RAB3IP: variants seen among roughly 807,000 people sequenced by gnomAD.
RAB3IP encodes rab-3A-interacting protein.
Under a neutral mutation model 59.1 loss-of-function variants are expected in RAB3IP, and 36 were observed. The observed-to-expected ratio is 0.61, with a 90% confidence interval of 0.47 to 0.80. The LOEUF is 0.80. Among genes scored for constraint, RAB3IP ranks in the 30% least tolerant of loss-of-function variants. The probability of loss-of-function intolerance (pLI) is 0.00; values close to 1 mark genes in which losing one functional copy is unlikely to be tolerated. For synonymous variants in RAB3IP, 207 were observed against 191.2 expected (o/e 1.08, Z -0.68); for missense variants, 511 against 536.0 (o/e 0.95, Z 0.46).
intron 1 of RAB3IP, chr12:69,739,346 T>A (rs1419782224): frequency 6.6e-6 from 1 of 152,530 alleles, no homozygotes; most frequent in Non-Finnish European, 1.5e-5. Flanking sequence ...ACGGGCGCGT[T>A]ACACATTAAC....
chr12:69,767,999 A>G (rs1013375476), intron 3 of RAB3IP, among the ~76,000 whole-genome samples: 7 of 152,126 alleles, frequency 4.6e-5, no homozygotes, highest in African/African-American at 1.4e-4. Flanking sequence ...CTGCTTGGGC[A>G]TTTAACAGAA....
intron 3 of RAB3IP, among the ~76,000 whole-genome samples, chr12:69,759,463 A>T (rs1218620076): frequency 6.6e-6 from 1 of 151,890 alleles, no homozygotes; most frequent in Non-Finnish European, 1.5e-5. Flanking sequence ...CAAAACCGCC[A>T]TCGTCATCAT....
chr12:69,779,274 C>G (rs895176653), intron 3 of RAB3IP: 1 of 142,294 alleles, frequency 7.0e-6, no homozygotes, highest in Non-Finnish European at 1.5e-5. Flanking sequence ...TGCTTCGGCT[C>G]GCGCACGGTG....
intron 4 of RAB3IP, among the ~76,000 whole-genome samples, chr12:69,792,017 C>A (rs1045267820): frequency 6.6e-6 from 1 of 152,056 alleles, no homozygotes; most frequent in Non-Finnish European, 1.5e-5. Context: ...ACAACATGAG[C>A]GAACCTGGAG....
intron 3 of RAB3IP, among the ~76,000 whole-genome samples, chr12:69,759,810 C>T (rs1189172896): frequency 6.6e-6 from 1 of 151,786 alleles, no homozygotes; most frequent in African/African-American, 2.4e-5. Flanking sequence ...CCACCTCCCT[C>T]CCGGACGGGG....
rs1056883920 is a variant in RAB3IP, at chr12:69,822,824, A to G, written c.*7378A>G. The G allele has an allele frequency of 1.3e-5, 2 of 152,192 alleles. No homozygotes were observed. The highest frequency in any genetic ancestry group is 4.8e-5 in the African/African-American group (2 of 41,446). 9.4% of individuals were successfully genotyped at this position (152,192 alleles called of 1,614,324 possible). A position where few individuals can be genotyped will look rare whatever the true frequency, so the allele number is the denominator to read the frequency against. ...TTATGTATCCATAAAAATTGGAAATAAACTACCACCATCTTTCTTCAGCCT... is the reference window on the plus strand; with the variant it reads ...TTATGTATCCATAAAAATTGGAAATGAACTACCACCATCTTTCTTCAGCCT... On this transcript the variant is annotated 3_prime_UTR_variant, in exon 11 of 11. Coordinates refer to ENST00000247833, the MANE Select transcript of RAB3IP (RefSeq NM_022456.5).
intron 8 of RAB3IP, among the ~76,000 whole-genome samples, chr12:69,808,728 C>CT (rs887132952): frequency 2.6e-5 from 4 of 152,034 alleles, no homozygotes; most frequent in African/African-American, 4.8e-5. Context: ...CAACCCCTGC[C>CT]TTTTTTTGTT....
intron 3 of RAB3IP, among the ~76,000 whole-genome samples, chr12:69,768,140 C>T (rs550476659): frequency 2.0e-4 from 30 of 152,008 alleles, no homozygotes; most frequent in Admixed American, 1.2e-3. Context: ...CTCACTGTAC[C>T]GTGATCTGCA....
chr12:69,740,978 T>C (rs548725713), intron 1 of RAB3IP, among the ~76,000 whole-genome samples: 1 of 152,246 alleles, frequency 6.6e-6, no homozygotes, highest in Non-Finnish European at 1.5e-5. Context: ...CATAAAACCT[T>C]GAGTAAAACA....
At chr12:69,791,210 C>T (rs764593006) in intron 4 of RAB3IP, among the ~76,000 whole-genome samples, 35 of 152,080 alleles carry the variant, frequency 2.3e-4, no homozygotes, top group Non-Finnish European at 4.6e-4. Context: ...TAAAGACTTA[C>T]ACATAAGACC....
At chr12:69,809,246 C>G (rs1328567485) in intron 8 of RAB3IP, among the ~76,000 whole-genome samples, 11 of 152,188 alleles carry the variant, frequency 7.2e-5, no homozygotes, top group East Asian at 5.8e-4. Context: ...CTTCTGGCTT[C>G]TAGAGTTTCT....
In RAB3IP at chr12:69,755,530, A is replaced by C; in HGVS notation, c.122A>C (p.Tyr41Ser). The C allele has an allele frequency of 6.2e-7, 1 of 1,614,048 alleles. No individual in the cohort carries two copies. Among genetic ancestry groups the C allele is most frequent in the Non-Finnish European group, 8.5e-7 (1 of 1,180,016 alleles). Reference protein sequence around the residue: ...QEQTTSPSVIYRPHPSALSSV... With the variant: ...QEQTTSPSVISRPHPSALSSV... ...CAGACTACCTCACCAAGTGTCATCTACCGGCCACACCCTTCAGCTTTATCC... is the reference window on the plus strand; with the variant it reads ...CAGACTACCTCACCAAGTGTCATCTCCCGGCCACACCCTTCAGCTTTATCC... The change falls in exon 2 of 11, where the codon TAC (tyrosine) becomes TCC (serine). Residue 41 changes from tyrosine to serine, a missense_variant. By Grantham distance (144) the Tyr-to-Ser change is moderately radical. Coordinates refer to ENST00000247833, the MANE Select transcript of RAB3IP (RefSeq NM_022456.5).
At chr12:69,794,393 A>C in intron 4 of RAB3IP, 44 bp from the exon 5 acceptor site, 1 of 1,526,240 alleles carries the variant, frequency 6.6e-7, no homozygotes, top group Non-Finnish European at 9.0e-7. Flanking sequence ...TTTTGAAAAC[A>C]AATGCTACTT....
intron 4 of RAB3IP, among the ~76,000 whole-genome samples, chr12:69,785,183 G>C (rs961908746): frequency 6.6e-6 from 1 of 152,182 alleles, no homozygotes; most frequent in African/African-American, 2.4e-5. Context: ...GGGATGATTT[G>C]AGAAATGTTA....
chr12:69,760,268 C>T (rs1446105735), intron 3 of RAB3IP, among the ~76,000 whole-genome samples: 3 of 152,258 alleles, frequency 2.0e-5, no homozygotes, highest in Admixed American at 6.5e-5. Context: ...CAATAGCAGG[C>T]ACTCGGCAGG....
chr12:69,761,676 T>A (rs1565883106), intron 3 of RAB3IP, among the ~76,000 whole-genome samples: 1 of 152,118 alleles, frequency 6.6e-6, no homozygotes. Context: ...ATATAATGGG[T>A]TTTCAATACA....
chr12:69,765,833 T>A (rs1872114097), intron 3 of RAB3IP, among the ~76,000 whole-genome samples: 1 of 152,250 alleles, frequency 6.6e-6, no homozygotes, highest in Non-Finnish European at 1.5e-5. Flanking sequence ...GTAAGGCTAG[T>A]CTAGTGGTAA....
chr12:69,775,356 A>C (rs1193212491), intron 3 of RAB3IP, among the ~76,000 whole-genome samples: 1 of 142,024 alleles, frequency 7.0e-6, no homozygotes, highest in East Asian at 2.2e-4. Flanking sequence ...TGTCATCTGC[A>C]AACAGGGACA....
chr12:69,811,161 T>G (rs778562788), intron 8 of RAB3IP, among the ~76,000 whole-genome samples: 1 of 152,112 alleles, frequency 6.6e-6, no homozygotes, highest in Admixed American at 6.5e-5. Flanking sequence ...CTGTTCTCCC[T>G]TATAAGTGGG....
Sources: allele counts gnomAD v4.1 joint callset (sites outside exome capture counted in the v4.1 genomes callset), GRCh38; gene constraint gnomAD v4.1.1; transcripts MANE v1.5; gene names NCBI Gene and HGNC (gene_info 2026-07-23, HGNC 2026-07-21).